The following BRI3BP variants were observed in gnomAD, a reference collection of about 807,000 sequenced individuals.
The protein encoded by BRI3BP is BRI3 binding protein, also known as BRI3-binding protein.
Under a neutral mutation model 15.8 loss-of-function variants are expected in BRI3BP, and 7 were observed. The observed-to-expected ratio is 0.44, with a 90% CI of 0.25 to 0.83. The LOEUF (loss-of-function observed/expected upper bound fraction) is 0.83, where lower values mean the gene tolerates loss of function less well. Among genes scored for constraint, BRI3BP ranks in the 40% least tolerant of loss-of-function variants. The pLI is 0.20. For synonymous variants in BRI3BP, 192 were observed against 163.5 expected (o/e 1.17, Z -1.33); for missense variants, 320 against 339.3 (o/e 0.94, Z 0.45).
rs1955368852 is a variant in BRI3BP, at chr12:125,027,762, A to G, written c.*2332A>G. On this transcript the variant is annotated 3_prime_UTR_variant, in exon 3 of 3. Coordinates refer to ENST00000341446, the MANE Select transcript of BRI3BP (RefSeq NM_080626.6). ...GAGTGCAGTGGCACCATCTCGGCTC[A>G]CTGCAAGCTCCGCCTCCTGGGTTCA... 6.6e-6 allele frequency: 1 copy of G among 151,442 alleles called. No homozygotes were observed. Among genetic ancestry groups the G allele is most frequent in the Admixed American group, 6.6e-5 (1 of 15,220 alleles). 9.4% of individuals were successfully genotyped at this position (151,442 alleles called of 1,614,324 possible).
At chr12:125,033,373 C>T (rs960600174), downstream of BRI3BP, among the ~76,000 whole-genome samples, 6 of 152,218 alleles carry the variant, frequency 3.9e-5, no homozygotes, top group East Asian at 5.8e-4. Flanking sequence ...ACCTGGGCGA[C>T]GGAGTGAGAC....
chr12:125,049,353 G>T, the BRI3BP span, among the ~76,000 whole-genome samples: 1 of 152,138 alleles, frequency 6.6e-6, no homozygotes, highest in African/African-American at 2.4e-5. Flanking sequence ...CTCCCACTGG[G>T]CTTAGCTTGG....
At chr12:125,033,587 C>G (rs1234445311), downstream of BRI3BP, among the ~76,000 whole-genome samples, 1 of 151,968 alleles carries the variant, frequency 6.6e-6, no homozygotes, top group Non-Finnish European at 1.5e-5. Context: ...CAGCACAGGC[C>G]ACAGATCCTA....
At chr12:125,046,615 G>A in the BRI3BP span, among the ~76,000 whole-genome samples, 30 of 152,270 alleles carry the variant, frequency 2.0e-4, 2 homozygotes, top group South Asian at 6.0e-3. Context: ...AATAGAAAAG[G>A]AAATGGATCT....
In BRI3BP at chr12:125,024,903, A is replaced by T. The variant is rs1050460426; in HGVS notation, c.317-88A>T. The T allele has an allele frequency of 9.6e-6, 12 of 1,254,392 alleles. No homozygotes were observed. The East Asian group carries it at 2.9e-4, about 30-fold the overall frequency. The allele number at this position is 1,254,392 out of a possible 1,614,324, so 77.7% of individuals were successfully genotyped here. A position where few individuals can be genotyped will look rare whatever the true frequency, so the allele number is the denominator to read the frequency against. Reference sequence around the variant, plus strand: ...TTGTTGCAAAGGCCTTTTAAGCCCCACAGGCCAGCTCAACTATCCAATTCT... The same window carrying T: ...TTGTTGCAAAGGCCTTTTAAGCCCCTCAGGCCAGCTCAACTATCCAATTCT... On this transcript the variant is annotated intron_variant, in intron 2 of 2. Transcript: ENST00000341446.
chr12:125,005,802 G>A (rs534978154), intron 1 of BRI3BP, among the ~76,000 whole-genome samples: 9 of 151,242 alleles, frequency 6.0e-5, no homozygotes, highest in South Asian at 2.1e-4. Flanking sequence ...CTAGAGGCCC[G>A]ATAAGATTCA....
chr12:125,046,484 T>C, the BRI3BP span, among the ~76,000 whole-genome samples: 1 of 151,658 alleles, frequency 6.6e-6, no homozygotes, highest in African/African-American at 2.4e-5. Flanking sequence ...CAAGAACCTC[T>C]GCCTTGGGAG....
intron 2 of BRI3BP, among the ~76,000 whole-genome samples, chr12:125,015,350 C>G (rs1379234857): frequency 6.6e-6 from 1 of 152,014 alleles, no homozygotes; most frequent in Non-Finnish European, 1.5e-5. Flanking sequence ...AAATGAGAAA[C>G]AGGGACTGGA....
At chr12:125,041,456 A>C in the BRI3BP span, among the ~76,000 whole-genome samples, 2 of 152,132 alleles carry the variant, frequency 1.3e-5, no homozygotes, top group South Asian at 4.1e-4. Context: ...TAATGGATAG[A>C]TATAACCCAC....
chr12:125,025,180 C>T lies in BRI3BP; in HGVS notation c.506C>T (p.Ser169Phe). Reference protein sequence around the residue: ...WIVRVVLFSMSCVYILHKYEG... With the variant: ...WIVRVVLFSMFCVYILHKYEG... ...GTGCGGGTCGTCCTGTTTTCCATGTCCTGCGTGTACATCCTGCACAAGTAC... is the reference window on the plus strand; with the variant it reads ...GTGCGGGTCGTCCTGTTTTCCATGTTCTGCGTGTACATCCTGCACAAGTAC... Residue 169 changes from serine to phenylalanine, a missense_variant, in exon 3 of 3, where the codon TCC becomes TTC. By Grantham distance (155) the Ser-to-Phe change is radical. Transcript: ENST00000341446. 1.2e-6 allele frequency: 2 copies of T among 1,614,172 alleles called. No individual in the cohort carries two copies. The highest frequency in any genetic ancestry group is 1.7e-6 in the Non-Finnish European group (2 of 1,180,030).
chr12:125,040,982 C>T, the BRI3BP span, among the ~76,000 whole-genome samples: 81,984 of 151,792 alleles, frequency 0.54, 24,142 homozygotes, highest in East Asian at 0.69. Flanking sequence ...CCACCTGCCT[C>T]AGCCTCCCAA....
At chr12:125,050,952 T>G in the BRI3BP span, among the ~76,000 whole-genome samples, 1 of 152,222 alleles carries the variant, frequency 6.6e-6, no homozygotes, top group African/African-American at 2.4e-5. Context: ...AGGGACTTTG[T>G]ATTTTTCAGG....
At chr12:125,004,725 C>T (rs1323829574) in intron 1 of BRI3BP, among the ~76,000 whole-genome samples, 1 of 151,986 alleles carries the variant, frequency 6.6e-6, no homozygotes, top group African/African-American at 2.4e-5. Flanking sequence ...CTTTTCTGTC[C>T]CAGGATCCCA....
In BRI3BP at chr12:125,010,235, C is replaced by T. The variant is rs182994020; in HGVS notation, c.214-2299C>T. Among the ~76,000 whole-genome samples, 35 of 152,304 alleles carry T rather than the reference C, an allele frequency of 2.3e-4. No individual in the cohort carries two copies. In the East Asian group the frequency reaches 5.2e-3, roughly 23 times the overall value. ...AACCAGATGAAGTAGGTACTGTTAT[C>T]TCCATTGTTAGTGGAAACCCTGCAG... On this transcript the variant is annotated intron_variant, in intron 1 of 2. Transcript: ENST00000341446.
In BRI3BP at chr12:125,017,025, T is replaced by A. The variant is rs533528034; in HGVS notation, c.316+4389T>A. On this transcript the variant is annotated intron_variant, in intron 2 of 2. Transcript: ENST00000341446. ...TAACGTTTGTATTATTATTATTATT[T>A]TTTTTTTTCTGAGACCGAGTATTGC... Among the ~76,000 whole-genome samples, 147 of 147,904 alleles carry A rather than the reference T, an allele frequency of 9.9e-4. 3 individuals are homozygous for A. Among genetic ancestry groups the A allele is most frequent in the African/African-American group, 3.1e-3 (120 of 38,756 alleles).
chr12:124,997,927 C>T (rs936890973), intron 1 of BRI3BP, among the ~76,000 whole-genome samples: 1 of 152,136 alleles, frequency 6.6e-6, no homozygotes, highest in East Asian at 1.9e-4. Context: ...GAGTTCAAGA[C>T]CAGCCTGACC....
chr12:125,015,271 T>C (rs992116879), intron 2 of BRI3BP, among the ~76,000 whole-genome samples: 1 of 152,082 alleles, frequency 6.6e-6, no homozygotes, highest in Non-Finnish European at 1.5e-5. Flanking sequence ...TAATGATTGC[T>C]GTCCTTATAA....
chr12:125,026,964 A>AG lies in BRI3BP; in HGVS notation c.*1534_*1535insG, dbSNP rs1332259927. 6.6e-6 allele frequency: 1 copy of AG among 151,904 alleles called. No individual in the cohort carries two copies. 9.4% of individuals were successfully genotyped at this position (151,904 alleles called of 1,614,324 possible). ...AAGACTTCATCTTAAAAAAAAAAAA[A>AG]AAAGCCCAGCATTTTGCAGCTTTGA... On this transcript the variant is annotated 3_prime_UTR_variant, in exon 3 of 3. Coordinates refer to ENST00000341446, the MANE Select transcript of BRI3BP (RefSeq NM_080626.6).
At chr12:124,998,008 C>T (rs1212439554) in intron 1 of BRI3BP, among the ~76,000 whole-genome samples, 1 of 152,068 alleles carries the variant, frequency 6.6e-6, no homozygotes, top group Non-Finnish European at 1.5e-5. Flanking sequence ...CCTGTAATCC[C>T]AGCTACTTGG....
Sources: gnomAD v4.1 joint callset for allele counts (sites outside exome capture counted in the v4.1 genomes callset) on GRCh38, gnomAD v4.1.1 for gene constraint, MANE v1.5 for transcripts, NCBI Gene and HGNC (gene_info 2026-07-23, HGNC 2026-07-21) for gene names.